Variants in DRC8 observed in about 807,000 individuals in gnomAD.
DRC8 encodes the protein dynein regulatory complex protein 8.
the DRC8 span, chr1:245,087,406 G>T: frequency 3.2e-6 from 5 of 1,543,702 alleles, no homozygotes; most frequent in African/African-American, 1.4e-5. Flanking sequence ...TTTAGAAATT[G>T]CTTGTTCTTG....
chr1:245,053,722 C>T, the DRC8 span, among the ~76,000 whole-genome samples: 1 of 152,184 alleles, frequency 6.6e-6, no homozygotes, highest in South Asian at 2.1e-4. Flanking sequence ...TGCAAGATGT[C>T]AATCACGTGG....
the DRC8 span, chr1:245,086,832 C>T: frequency 1.9e-6 from 1 of 533,462 alleles, no homozygotes; most frequent in East Asian, 5.4e-5. Context: ...AGGCAGCCAG[C>T]ATGTGGATCC....
chr1:245,119,946 A>AATC, the DRC8 span, among the ~76,000 whole-genome samples: 4 of 2,752 alleles, frequency 1.5e-3, no homozygotes, highest in Admixed American at 9.1e-3. Flanking sequence ...AAAAAATAAA[A>AATC]AATAAGTAAA....
the DRC8 span, among the ~76,000 whole-genome samples, chr1:245,093,200 G>A: frequency 6.6e-6 from 1 of 152,086 alleles, no homozygotes; most frequent in Non-Finnish European, 1.5e-5. Flanking sequence ...GGAGATAGCC[G>A]AGGTTTGCTG....
the DRC8 span, chr1:245,122,847 A>G: frequency 6.6e-6 from 1 of 152,110 alleles, no homozygotes; most frequent in African/African-American, 2.4e-5. Flanking sequence ...TCTACTTACA[A>G]AGCATTTCCA....
the DRC8 span, among the ~76,000 whole-genome samples, chr1:245,096,839 G>C: frequency 6.6e-6 from 1 of 152,198 alleles, no homozygotes; most frequent in Non-Finnish European, 1.5e-5. Flanking sequence ...AGCTGTGTCA[G>C]GTATAGGATA....
the DRC8 span, among the ~76,000 whole-genome samples, chr1:245,063,257 G>C: frequency 1.4e-4 from 22 of 152,228 alleles, no homozygotes; most frequent in Admixed American, 3.9e-4. Flanking sequence ...CTCGCAGCAA[G>C]GGTGCCCCAT....
At chr1:245,095,550 A>C in the DRC8 span, among the ~76,000 whole-genome samples, 1 of 152,154 alleles carries the variant, frequency 6.6e-6, no homozygotes, top group East Asian at 1.9e-4. Flanking sequence ...ATTAATTTAG[A>C]GACAGGTCTC....
At chr1:245,009,855 TTTTG>T in the DRC8 span, among the ~76,000 whole-genome samples, 3 of 151,640 alleles carry the variant, frequency 2.0e-5, no homozygotes, top group Non-Finnish European at 4.4e-5. Flanking sequence ...TGCATGTGTT[TTTTG>T]TTTGTTTGTT....
the DRC8 span, among the ~76,000 whole-genome samples, chr1:244,989,871 C>A: frequency 1.3e-5 from 2 of 152,174 alleles, no homozygotes; most frequent in Non-Finnish European, 2.9e-5. Flanking sequence ...CAACCAAGAT[C>A]TGAAAATATT....
chr1:245,056,274 A>C, the DRC8 span, among the ~76,000 whole-genome samples: 1 of 152,126 alleles, frequency 6.6e-6, no homozygotes, highest in Non-Finnish European at 1.5e-5. Context: ...ATTGTGACAC[A>C]AATTTCCATA....
At chr1:244,996,292 G>A in the DRC8 span, among the ~76,000 whole-genome samples, 1 of 152,068 alleles carries the variant, frequency 6.6e-6, no homozygotes, top group South Asian at 2.1e-4. Context: ...GGGGTGTGGG[G>A]GGGCCAACAT....
At chr1:245,042,574 C>T in the DRC8 span, among the ~76,000 whole-genome samples, 76,604 of 152,184 alleles carry the variant, frequency 0.5, 21,418 homozygotes, top group East Asian at 0.72. Flanking sequence ...GTTCTGTAAA[C>T]GATACCAGCA....
the DRC8 span, among the ~76,000 whole-genome samples, chr1:244,990,158 G>A: frequency 6.6e-6 from 1 of 152,196 alleles, no homozygotes; most frequent in African/African-American, 2.4e-5. Flanking sequence ...CTGCATCATG[G>A]TGCTCTGTGT....
At chr1:245,058,318 A>G in the DRC8 span, among the ~76,000 whole-genome samples, 1 of 152,114 alleles carries the variant, frequency 6.6e-6, no homozygotes, top group South Asian at 2.1e-4. Flanking sequence ...AAGGAAATAT[A>G]CTTGACATGA....
the DRC8 span, among the ~76,000 whole-genome samples, chr1:245,118,457 G>A: frequency 6.6e-6 from 1 of 152,124 alleles, no homozygotes; most frequent in East Asian, 1.9e-4. Flanking sequence ...TTTTAAAAAC[G>A]AGTGAGAAAC....
At chr1:244,996,150 T>C in the DRC8 span, among the ~76,000 whole-genome samples, 1 of 152,180 alleles carries the variant, frequency 6.6e-6, no homozygotes, top group Non-Finnish European at 1.5e-5. Flanking sequence ...AGATGTTGGC[T>C]GGGGCTGCCG....
chr1:244,973,284 T>C, the DRC8 span, among the ~76,000 whole-genome samples: 1 of 152,214 alleles, frequency 6.6e-6, no homozygotes, highest in Non-Finnish European at 1.5e-5. Flanking sequence ...GAATTTGTAT[T>C]TCAGAAGTCA....
chr1:245,070,575 A>G, the DRC8 span, among the ~76,000 whole-genome samples: 357 of 152,350 alleles, frequency 2.3e-3, 1 homozygote, highest in African/African-American at 7.5e-3. Context: ...TACTTTAGAC[A>G]AACCAGTCTG....
Sources: gnomAD v4.1 joint callset for allele counts (sites outside exome capture counted in the v4.1 genomes callset) on GRCh38, gnomAD v4.1.1 for gene constraint, MANE v1.5 for transcripts, NCBI Gene and HGNC (gene_info 2026-07-23, HGNC 2026-07-21) for gene names.